RBFOX3: variants seen among roughly 807,000 people sequenced by gnomAD.
RBFOX3 encodes RNA binding fox-1 homolog 3, also known as RNA binding protein fox-1 homolog 3.
A neutral mutation model predicts 48.7 loss-of-function variants in RBFOX3; 17 were observed. That is an observed-to-expected ratio of 0.35 (90% CI 0.24 to 0.52). The LOEUF (loss-of-function observed/expected upper bound fraction) is 0.52, where lower values mean the gene tolerates loss of function less well. Ranked by LOEUF, RBFOX3 falls within the 20% of genes least tolerant of loss-of-function variation. RBFOX3 has a pLI of 0.94. For missense variants in RBFOX3, 382 were observed against 497.5 expected (o/e 0.77, Z 2.21); for synonymous variants, 212 against 209.5 (o/e 1.01, Z -0.10).
At chr17:79,209,158 C>G (rs1477063869) in intron 4 of RBFOX3, among the ~76,000 whole-genome samples, 1 of 152,172 alleles carries the variant, frequency 6.6e-6, no homozygotes, top group Non-Finnish European at 1.5e-5. Context: ...CCTCCCCTCT[C>G]CCACCAGGCC....
At chr17:79,265,416 C>T (rs2066531001) in intron 3 of RBFOX3, among the ~76,000 whole-genome samples, 1 of 152,164 alleles carries the variant, frequency 6.6e-6, no homozygotes, top group Non-Finnish European at 1.5e-5. Context: ...CTTGCTTTTT[C>T]CTTTCCCTAA....
At position 79,319,507 on chromosome 17, in the gene RBFOX3, T is replaced by C. The variant is rs949825546; in HGVS notation, c.-174-11683A>G. ...AAGAGCAGCCTGGGCAGATTGGTCTTGTCTGGGCTGCTGGTCTTGTCTGGG... is the reference window on the plus strand; with the variant it reads ...AAGAGCAGCCTGGGCAGATTGGTCTCGTCTGGGCTGCTGGTCTTGTCTGGG... On this transcript the variant is annotated intron_variant, in intron 2 of 14. Transcript: ENST00000693108. Among the ~76,000 whole-genome samples, 24 of 150,834 alleles carry C rather than the reference T, an allele frequency of 1.6e-4. 1 individual carries two copies. Among genetic ancestry groups the C allele is most frequent in the African/African-American group, 5.5e-4 (22 of 40,346 alleles).
At chr17:79,261,672 G>A (rs1374574816) in intron 3 of RBFOX3, among the ~76,000 whole-genome samples, 1 of 152,244 alleles carries the variant, frequency 6.6e-6, no homozygotes. Context: ...GCCACCGTCT[G>A]AGCAGCAGCT....
intron 3 of RBFOX3, among the ~76,000 whole-genome samples, chr17:79,301,047 A>G (rs1000476947): frequency 1.3e-5 from 2 of 152,174 alleles, no homozygotes; most frequent in Admixed American, 6.5e-5. Flanking sequence ...CTTGCGGGCC[A>G]CCAGATCACC....
the RBFOX3 span, among the ~76,000 whole-genome samples, chr17:79,641,620 T>C: frequency 6.6e-6 from 1 of 152,188 alleles, no homozygotes; most frequent in African/African-American, 2.4e-5. Flanking sequence ...CTATTCAGCC[T>C]TTAAAAAGAA....
At chr17:79,484,261 C>A (rs1037311337) in intron 1 of RBFOX3, among the ~76,000 whole-genome samples, 1 of 151,360 alleles carries the variant, frequency 6.6e-6, no homozygotes, top group South Asian at 2.2e-4. Context: ...ACCCCCATAC[C>A]GAAGAACCGA....
chr17:79,244,870 T>G (rs1185989929), intron 3 of RBFOX3, among the ~76,000 whole-genome samples: 1 of 147,498 alleles, frequency 6.8e-6, no homozygotes, highest in Non-Finnish European at 1.5e-5. Flanking sequence ...TCCTTTCCCT[T>G]CCCTTTCCTT....
intron 8 of RBFOX3, among the ~76,000 whole-genome samples, chr17:79,102,158 C>T (rs778548846): frequency 2.0e-5 from 3 of 152,176 alleles, no homozygotes; most frequent in South Asian, 2.1e-4. Context: ...CCCTGGAGGA[C>T]GAGGCCGACA....
intron 4 of RBFOX3, among the ~76,000 whole-genome samples, chr17:79,175,926 T>C (rs1185480906): frequency 1.3e-5 from 2 of 152,200 alleles, no homozygotes; most frequent in Non-Finnish European, 2.9e-5. Context: ...CCACTCTCTC[T>C]GACCACCTGG....
At chr17:79,237,384 G>GA (rs2147921992) in intron 3 of RBFOX3, among the ~76,000 whole-genome samples, 1 of 152,318 alleles carries the variant, frequency 6.6e-6, no homozygotes, top group East Asian at 1.9e-4. Context: ...CTAGCAGGCA[G>GA]GTACACTTCT....
chr17:79,532,351 G>A (rs1168944956), intron 1 of RBFOX3, among the ~76,000 whole-genome samples: 1 of 152,214 alleles, frequency 6.6e-6, no homozygotes, highest in Non-Finnish European at 1.5e-5. Flanking sequence ...AGGGGATTGA[G>A]GTGGGGCCCA....
intron 2 of RBFOX3, among the ~76,000 whole-genome samples, chr17:79,345,488 G>T (rs1230321971): frequency 6.6e-6 from 1 of 152,140 alleles, no homozygotes; most frequent in East Asian, 1.9e-4. Context: ...ACTTGGATTT[G>T]TCAGGCTTTG....
At chr17:79,274,561 G>A (rs886539042) in intron 3 of RBFOX3, among the ~76,000 whole-genome samples, 1 of 152,132 alleles carries the variant, frequency 6.6e-6, no homozygotes, top group Admixed American at 6.5e-5. Context: ...ACCTGCCCTG[G>A]GCAGAGGCTG....
chr17:79,535,515 C>T lies in RBFOX3; in HGVS notation c.-319-52917G>A, dbSNP rs1555788498. ...TGTTACCCAAGTGAGTCACCCCAAA[C>T]GAATGAGGCCCTCAGATGATCCACA... On this transcript the variant is annotated intron_variant, in intron 1 of 14. Transcript: ENST00000693108. The surrounding 1 kb of genome is among the most constrained non-coding windows in gnomAD (Gnocchi z 4.5). Among the ~76,000 whole-genome samples the T allele has an allele frequency of 6.6e-6, 1 of 152,172 alleles. No individual in the cohort carries two copies. The highest frequency in any genetic ancestry group is 6.5e-5 in the Admixed American group (1 of 15,282).
chr17:79,174,975 G>C (rs113050937), intron 4 of RBFOX3, among the ~76,000 whole-genome samples: 1 of 152,142 alleles, frequency 6.6e-6, no homozygotes, highest in Non-Finnish European at 1.5e-5. Flanking sequence ...GCCTCAGCTC[G>C]GGGCCTCCTC....
chr17:79,188,471 T>C (rs1392917743), intron 4 of RBFOX3, among the ~76,000 whole-genome samples: 1 of 152,210 alleles, frequency 6.6e-6, no homozygotes, highest in African/African-American at 2.4e-5. Flanking sequence ...CTTACAACCA[T>C]GTCCCAGCAA....
chr17:79,438,531 C>G (rs142677888), intron 2 of RBFOX3, among the ~76,000 whole-genome samples: 1 of 152,230 alleles, frequency 6.6e-6, no homozygotes, highest in Admixed American at 6.5e-5. Context: ...CTTGAACATT[C>G]GCCCTCACGA....
chr17:79,479,011 T>C lies in RBFOX3; in HGVS notation c.-175+3443A>G, dbSNP rs1436233958. 6.6e-6 allele frequency among the ~76,000 whole-genome samples: 1 copy of C among 152,164 alleles called. No homozygotes were observed. Among genetic ancestry groups the C allele is most frequent in the Non-Finnish European group, 1.5e-5 (1 of 68,028 alleles). On this transcript the variant is annotated intron_variant, in intron 2 of 14. Coordinates refer to ENST00000693108, the MANE Select transcript of RBFOX3 (RefSeq NM_001350451.2). The surrounding 1 kb of genome is among the most constrained non-coding windows in gnomAD (Gnocchi z 5.1). ...CTTTGAAGCAAGGACTCGCCTGCAG[T>C]GATGGGGAGTCTCGGTCGAAGGGCT...
At chr17:79,622,767 G>T in the RBFOX3 span, among the ~76,000 whole-genome samples, 1 of 152,162 alleles carries the variant, frequency 6.6e-6, no homozygotes, top group African/African-American at 2.4e-5. Flanking sequence ...CTCCAAACAC[G>T]GTCACACGCA....
Sources: gnomAD v4.1 joint callset for allele counts (sites outside exome capture counted in the v4.1 genomes callset) on GRCh38, gnomAD v4.1.1 for gene constraint, Gnocchi (gnomAD v3.1) non-coding constraint, MANE v1.5 for transcripts, NCBI Gene and HGNC (gene_info 2026-07-23, HGNC 2026-07-21) for gene names.